Variants in TUSC3 observed in about 807,000 individuals in gnomAD.
TUSC3 encodes the protein dolichyl-diphosphooligosaccharide--protein glycosyltransferase subunit TUSC3.
In TUSC3, 45 loss-of-function variants were observed where a neutral mutation model predicts 44.8. The ratio of observed to expected loss-of-function variants is 1.00; its 90% CI spans 0.79 to 1.29. TUSC3 has a LOEUF of 1.29. Ranked by LOEUF, TUSC3 falls within the 50% of genes most tolerant of loss-of-function variation. The probability of loss-of-function intolerance (pLI) is 0.00; values close to 1 mark genes in which losing one functional copy is unlikely to be tolerated. For missense variants in TUSC3, 519 were observed against 437.9 expected (o/e 1.19, Z -1.65); for synonymous variants, 212 against 152.9 (o/e 1.39, Z -2.85).
At chr8:15,665,715 TTGCA>T (rs1807626203) in intron 5 of TUSC3, among the ~76,000 whole-genome samples, 2 of 151,472 alleles carry the variant, frequency 1.3e-5, no homozygotes, top group South Asian at 4.1e-4. Context: ...TTGCAATATA[TTGCA>T]AAGTAATATA....
chr8:15,434,759 C>G (rs1799924229), intron 1 of TUSC3, among the ~76,000 whole-genome samples: 1 of 150,952 alleles, frequency 6.6e-6, no homozygotes, highest in East Asian at 2.0e-4. Context: ...TTGTTCAGTT[C>G]CCACCTGTGA....
intron 1 of TUSC3, among the ~76,000 whole-genome samples, chr8:15,604,380 T>C (rs1372801554): frequency 6.6e-6 from 1 of 151,744 alleles, no homozygotes; most frequent in Non-Finnish European, 1.5e-5. Context: ...GATTGCAAAC[T>C]AACAGACCTT....
At chr8:15,711,121 C>A (rs1035999582) in intron 6 of TUSC3, among the ~76,000 whole-genome samples, 2 of 151,692 alleles carry the variant, frequency 1.3e-5, no homozygotes, top group African/African-American at 2.4e-5. Context: ...TCTTCGCTTT[C>A]CCTTTTTTTT....
At chr8:15,485,546 C>A (rs894556365) in intron 2 of TUSC3, among the ~76,000 whole-genome samples, 18 of 149,028 alleles carry the variant, frequency 1.2e-4, no homozygotes, top group African/African-American at 4.0e-4. Flanking sequence ...TGCTCCTCCT[C>A]ATTGGGCCTA....
intron 2 of TUSC3, among the ~76,000 whole-genome samples, chr8:15,493,114 A>G (rs1305115952): frequency 6.6e-6 from 1 of 152,214 alleles, no homozygotes; most frequent in African/African-American, 2.4e-5. Flanking sequence ...CAAGGTAGAT[A>G]TTATTAACAG....
chr8:15,632,169 G>T (rs903334862), intron 2 of TUSC3, among the ~76,000 whole-genome samples: 14 of 152,224 alleles, frequency 9.2e-5, no homozygotes, highest in African/African-American at 3.4e-4. Context: ...AGATCCATTT[G>T]AGGTTCATCT....
chr8:15,787,619 G>A, the TUSC3 span, among the ~76,000 whole-genome samples: 2 of 152,070 alleles, frequency 1.3e-5, no homozygotes, highest in South Asian at 4.1e-4. Context: ...TATGATATAT[G>A]GTTCCAAAAG....
chr8:15,521,768 C>A (rs1325766220), intron 2 of TUSC3, among the ~76,000 whole-genome samples: 1 of 152,158 alleles, frequency 6.6e-6, no homozygotes, highest in African/African-American at 2.4e-5. Flanking sequence ...AGAACTGATA[C>A]CTCCATTTGG....
chr8:15,484,139 C>G (rs1006160567), intron 2 of TUSC3, among the ~76,000 whole-genome samples: 5 of 152,116 alleles, frequency 3.3e-5, no homozygotes, highest in African/African-American at 9.7e-5. Flanking sequence ...TTTTCTAAAT[C>G]CTTCTCATGA....
intron 1 of TUSC3, among the ~76,000 whole-genome samples, chr8:15,439,765 A>T (rs1003590086): frequency 6.6e-6 from 1 of 152,124 alleles, no homozygotes; most frequent in Non-Finnish European, 1.5e-5. Context: ...ATTTCCCTCC[A>T]GTGTTTGATC....
chr8:15,741,221 C>T (rs181699662), intron 7 of TUSC3, among the ~76,000 whole-genome samples: 1 of 152,206 alleles, frequency 6.6e-6, no homozygotes, highest in African/African-American at 2.4e-5. Flanking sequence ...TTGCTTTACT[C>T]CCATTAAAAC....
intron 6 of TUSC3, among the ~76,000 whole-genome samples, chr8:15,721,171 GA>G (rs1810292934): frequency 1.3e-5 from 2 of 151,890 alleles, no homozygotes; most frequent in African/African-American, 2.4e-5. Flanking sequence ...TCTGTACTTA[GA>G]AAATGAATTA....
At chr8:15,725,665 G>A (rs1387552332) in intron 6 of TUSC3, among the ~76,000 whole-genome samples, 1 of 152,044 alleles carries the variant, frequency 6.6e-6, no homozygotes, top group Non-Finnish European at 1.5e-5. Context: ...CTGTGTTTCA[G>A]GCATTAGGCC....
intron 1 of TUSC3, among the ~76,000 whole-genome samples, chr8:15,462,466 A>G (rs1585054282): frequency 2.0e-5 from 3 of 152,204 alleles, no homozygotes; most frequent in South Asian, 2.1e-4. Context: ...TGGCAGAGTC[A>G]GGTTTTGAAA....
intron 2 of TUSC3, among the ~76,000 whole-genome samples, chr8:15,511,238 G>C (rs902359727): frequency 1.3e-5 from 2 of 151,900 alleles, no homozygotes; most frequent in African/African-American, 4.8e-5. Context: ...TTTCTCTCCA[G>C]TAGAAGGAGG....
At chr8:15,457,272 A>T (rs762812017) in intron 1 of TUSC3, among the ~76,000 whole-genome samples, 8 of 152,186 alleles carry the variant, frequency 5.3e-5, no homozygotes, top group East Asian at 3.9e-4. Context: ...CATATGTAAC[A>T]AACCTGAACG....
At chr8:15,669,026 A>G (rs1228201093) in intron 5 of TUSC3, among the ~76,000 whole-genome samples, 3 of 151,788 alleles carry the variant, frequency 2.0e-5, no homozygotes. Context: ...TTTGGGACCC[A>G]CTGGACTCTT....
At chr8:15,778,245 G>T in the TUSC3 span, among the ~76,000 whole-genome samples, 2 of 152,070 alleles carry the variant, frequency 1.3e-5, no homozygotes, top group African/African-American at 4.8e-5. Flanking sequence ...CACTTATTCT[G>T]AAAACTGCAA....
intron 8 of TUSC3, among the ~76,000 whole-genome samples, chr8:15,746,927 T>A (rs1040954228): frequency 1.3e-5 from 2 of 152,126 alleles, no homozygotes; most frequent in Non-Finnish European, 2.9e-5. Context: ...AATGTTTTTT[T>A]TATTTTATGA....
Sources: allele counts gnomAD v4.1 joint callset (sites outside exome capture counted in the v4.1 genomes callset), GRCh38; gene constraint gnomAD v4.1.1; transcripts MANE v1.5; gene names NCBI Gene and HGNC (gene_info 2026-07-23, HGNC 2026-07-21).